Variants in DCAF5 observed in about 807,000 individuals in gnomAD.
DCAF5 encodes DDB1- and CUL4-associated factor 5.
Under a neutral mutation model 80.7 loss-of-function variants are expected in DCAF5, and 9 were observed. The ratio of observed to expected loss-of-function variants is 0.11; its 90% confidence interval spans 0.07 to 0.19. The LOEUF (loss-of-function observed/expected upper bound fraction) is 0.19, where lower values mean the gene tolerates loss of function less well. Among genes scored for constraint, DCAF5 ranks in the 10% least tolerant of loss-of-function variants. The probability of loss-of-function intolerance (pLI) is 1.00; values close to 1 mark genes in which losing one functional copy is unlikely to be tolerated. For synonymous variants in DCAF5, 433 were observed against 461.9 expected, an observed-to-expected ratio of 0.94 and a Z score of 0.80; for missense variants, 842 against 1,205.7, an observed-to-expected ratio of 0.70 and a Z score of 4.47.
chr14:69,133,291 G>A (rs1472039414), intron 1 of DCAF5, among the ~76,000 whole-genome samples: 1 of 152,106 alleles, frequency 6.6e-6, no homozygotes, highest in African/African-American at 2.4e-5. Context: ...ATCCAGCCTC[G>A]CAAATATAAG....
chr14:69,091,920 A>C (rs1406107633), intron 5 of DCAF5, 33 bp from the exon 6 acceptor site: 1 of 1,560,980 alleles, frequency 6.4e-7, no homozygotes, highest in Admixed American at 1.8e-5. Context: ...ATCAGGCATG[A>C]GATAGGCTAA....
At chr14:69,123,726 C>G (rs1054073516) in intron 1 of DCAF5, among the ~76,000 whole-genome samples, 5 of 152,146 alleles carry the variant, frequency 3.3e-5, no homozygotes, top group African/African-American at 1.2e-4. Flanking sequence ...GAGTCTCGCA[C>G]TGTTGCCCAG....
chr14:69,075,147 C>A (rs1200090398), intron 7 of DCAF5, among the ~76,000 whole-genome samples, 198 bp downstream of exon 7: 1 of 151,986 alleles, frequency 6.6e-6, no homozygotes, highest in African/African-American at 2.4e-5. Context: ...ATCTAAGCAT[C>A]ATTTATGTCA....
At position 69,054,606 on chromosome 14, in the gene DCAF5, C is replaced by G. The variant is rs1251366483; in HGVS notation, c.2080G>C (p.Ala694Pro). ...LVTGEADEGR[A>P]GTSHKDNPAP... Reference sequence around the variant, plus strand: ...GGGTTGTCTTTGTGGCTGGTTCCTGCTCTCCCTTCATCTGCCTCCCCGGTC... The same window carrying G: ...GGGTTGTCTTTGTGGCTGGTTCCTGGTCTCCCTTCATCTGCCTCCCCGGTC... The change falls in exon 9 of 9, where the codon GCA (alanine) becomes CCA (proline). Residue 694 changes from alanine (A) to proline (P), a missense_variant. This residue lies in a region of DCAF5 where 607 missense variants were observed against 656.6 expected (regional missense o/e 0.92). Coordinates refer to ENST00000341516, the MANE Select transcript of DCAF5 (RefSeq NM_003861.3). 6.2e-7 allele frequency: 1 copy of G among 1,614,148 alleles called. No homozygotes were observed. Among genetic ancestry groups the G allele is most frequent in the South Asian group, 1.1e-5 (1 of 91,080 alleles).
At chr14:69,127,898 A>G (rs1266566189) in intron 1 of DCAF5, among the ~76,000 whole-genome samples, 1 of 152,212 alleles carries the variant, frequency 6.6e-6, no homozygotes, top group East Asian at 1.9e-4. Flanking sequence ...CAAATCATCA[A>G]CATTTTGTCA....
intron 6 of DCAF5, among the ~76,000 whole-genome samples, chr14:69,079,440 C>T (rs2039019445): frequency 6.6e-6 from 1 of 152,096 alleles, no homozygotes; most frequent in Non-Finnish European, 1.5e-5. Flanking sequence ...CATAAGAGAA[C>T]AGCTAGGGAT....
intron 1 of DCAF5, among the ~76,000 whole-genome samples, chr14:69,123,610 C>T (rs1242322602): frequency 2.6e-5 from 4 of 152,172 alleles, no homozygotes; most frequent in African/African-American, 9.7e-5. Context: ...ACAGCCACTG[C>T]CATTATTCAC....
At chr14:69,067,801 TA>T (rs2038520039) in intron 7 of DCAF5, among the ~76,000 whole-genome samples, 1 of 151,832 alleles carries the variant, frequency 6.6e-6, no homozygotes, top group South Asian at 2.1e-4. Flanking sequence ...CAAGCCCAGC[TA>T]ATTTTTGTAT....
At chr14:69,148,975 G>A (rs1279685743) in intron 1 of DCAF5, among the ~76,000 whole-genome samples, 1 of 152,168 alleles carries the variant, frequency 6.6e-6, no homozygotes, top group Admixed American at 6.5e-5. Context: ...AAACTATCCT[G>A]TCTGGCTAAT....
At chr14:69,065,669 T>C (rs1388763078) in intron 7 of DCAF5, among the ~76,000 whole-genome samples, 1 of 152,212 alleles carries the variant, frequency 6.6e-6, no homozygotes, top group African/African-American at 2.4e-5. Flanking sequence ...TACTGAACAG[T>C]TTACGTACAA....
chr14:69,091,294 C>T, intron 6 of DCAF5: 2 of 610,100 alleles, frequency 3.3e-6, no homozygotes, highest in Non-Finnish European at 5.8e-6. Context: ...TAGGGTGTTT[C>T]ATTCATCATT....
At chr14:69,134,569 G>T (rs2041134490) in intron 1 of DCAF5, among the ~76,000 whole-genome samples, 1 of 152,188 alleles carries the variant, frequency 6.6e-6, no homozygotes, top group Non-Finnish European at 1.5e-5. Flanking sequence ...GTTAACTAGG[G>T]AATAATCTCA....
intron 1 of DCAF5, among the ~76,000 whole-genome samples, chr14:69,143,479 C>G (rs770483830): frequency 4.6e-5 from 7 of 150,738 alleles, no homozygotes; most frequent in Non-Finnish European, 8.8e-5. Context: ...ATATGCCTGG[C>G]ACATGAAATG....
chr14:69,091,524 A>G, intron 6 of DCAF5, 150 bp downstream of exon 6: 1 of 720,138 alleles, frequency 1.4e-6, no homozygotes, highest in Non-Finnish European at 2.3e-6. Context: ...GAAACTCACT[A>G]TTATTAAGTC....
Position 69,118,397 on chromosome 14 carries a change from T to A in DCAF5, c.396-119A>T. The A allele has an allele frequency of 9.5e-7, 1 of 1,053,878 alleles. No individual in the cohort carries two copies. The highest frequency in any genetic ancestry group is 1.3e-6 in the Non-Finnish European group (1 of 764,478). The allele number at this position is 1,053,878 out of a possible 1,614,324, so 65.3% of individuals were successfully genotyped here. On this transcript the variant is annotated intron_variant, in intron 3 of 8. Coordinates refer to ENST00000341516, the MANE Select transcript of DCAF5 (RefSeq NM_003861.3). This position sits in a 1 kb window ranked among gnomAD's most constrained non-coding sequence, Gnocchi z 4.0. ...ATTTCTAGAAGAAAGTCAACCTAGC[T>A]AAACCCAAAAAATATTATATTTCCT...
intron 5 of DCAF5, among the ~76,000 whole-genome samples, chr14:69,107,984 T>G (rs764852627): frequency 6.6e-6 from 1 of 152,154 alleles, no homozygotes; most frequent in Non-Finnish European, 1.5e-5. Context: ...TTAGGACAAA[T>G]GCCTCCTTTC....
intron 6 of DCAF5, chr14:69,085,313 C>T (rs1047423506): frequency 1.4e-6 from 1 of 709,234 alleles, no homozygotes; most frequent in African/African-American, 1.8e-5. Flanking sequence ...TACCAGAAAA[C>T]CAAGAAAGTT....
At chr14:69,146,141 A>G (rs1432772147) in intron 1 of DCAF5, among the ~76,000 whole-genome samples, 2 of 152,210 alleles carry the variant, frequency 1.3e-5, no homozygotes, top group Non-Finnish European at 2.9e-5. Flanking sequence ...TGGCCAAAAT[A>G]CATAACTGAG....
At chr14:69,126,947 A>G (rs576520350) in intron 1 of DCAF5, among the ~76,000 whole-genome samples, 10 of 152,314 alleles carry the variant, frequency 6.6e-5, no homozygotes, top group Middle Eastern at 6.8e-3. Flanking sequence ...CAAAACTATA[A>G]AACTCCTAGA....
Sources: gnomAD v4.1 joint callset for allele counts (sites outside exome capture counted in the v4.1 genomes callset) on GRCh38, gnomAD v4.1.1 for gene constraint, gnomAD v4.1.1 regional missense constraint, Gnocchi (gnomAD v3.1) non-coding constraint, MANE v1.5 for transcripts, NCBI Gene and HGNC (gene_info 2026-07-23, HGNC 2026-07-21) for gene names.